Variants in SDHAF3 observed in about 807,000 individuals in gnomAD.
SDHAF3 encodes succinate dehydrogenase complex assembly factor 3.
In SDHAF3, 18 loss-of-function variants were observed where a neutral mutation model predicts 11.5. That is an observed-to-expected ratio of 1.56 (90% CI 1.08 to 2.32). The LOEUF is 2.32. Ranked by LOEUF, SDHAF3 falls within the 30% of genes most tolerant of loss-of-function variation. The probability of loss-of-function intolerance (pLI) is 0.00; values close to 1 mark genes in which losing one functional copy is unlikely to be tolerated. For synonymous variants in SDHAF3, 72 were observed against 59.3 expected (o/e 1.21, Z -0.99); for missense variants, 200 against 154.4 (o/e 1.30, Z -1.57).
intron 1 of SDHAF3, among the ~76,000 whole-genome samples, chr7:97,138,080 G>A (rs1038375997): frequency 6.6e-6 from 1 of 151,166 alleles, no homozygotes; most frequent in Non-Finnish European, 1.5e-5. Flanking sequence ...GGCTAGTCTC[G>A]AACTCCTGAC....
intron 1 of SDHAF3, among the ~76,000 whole-genome samples, chr7:97,167,868 AG>A (rs1255412994): frequency 6.6e-6 from 1 of 152,244 alleles, no homozygotes; most frequent in Non-Finnish European, 1.5e-5. Context: ...CTAGGTAGAT[AG>A]GGAAGGGTCC....
rs1227690625 is a variant in SDHAF3, at chr7:97,135,597, G to GTC, written c.174+17701_174+17702insCT. 3.5e-5 allele frequency: 5 copies of GTC among 143,584 alleles called. No homozygotes were observed. In the Admixed American group the frequency reaches 3.6e-4, roughly 10 times the overall value. 8.9% of individuals were successfully genotyped at this position (143,584 alleles called of 1,614,324 possible). On this transcript the variant is annotated intron_variant, in intron 1 of 1. Transcript: ENST00000432641. ...AGTCCCCATATGTGTGTGTGTGTGT[G>GTC]TGTGTCTGTGTGTGTGTGTGTGTGA... is the stretch of plus-strand genomic sequence containing the variant.
At chr7:97,142,329 A>G (rs1016440530) in intron 1 of SDHAF3, among the ~76,000 whole-genome samples, 11 of 152,084 alleles carry the variant, frequency 7.2e-5, no homozygotes, top group Admixed American at 2.0e-4. Context: ...CTAGGATTAC[A>G]GGCGTGAGCC....
chr7:97,136,856 ATCT>A (rs1433376630), intron 1 of SDHAF3, among the ~76,000 whole-genome samples: 1 of 152,210 alleles, frequency 6.6e-6, no homozygotes, highest in Non-Finnish European at 1.5e-5. Flanking sequence ...ATGATAATTC[ATCT>A]TCTTAGTTTG....
intron 1 of SDHAF3, among the ~76,000 whole-genome samples, chr7:97,138,112 G>A (rs1235462987): frequency 6.6e-6 from 1 of 150,950 alleles, no homozygotes. Flanking sequence ...CACCCGCCTT[G>A]GCCTCCCAAT....
At chr7:97,176,221 T>C (rs1449586775) in intron 1 of SDHAF3, among the ~76,000 whole-genome samples, 1 of 152,192 alleles carries the variant, frequency 6.6e-6, no homozygotes, top group Non-Finnish European at 1.5e-5. Context: ...CTGCACCTGC[T>C]CTCACCATAC....
At position 97,134,838 on chromosome 7, in the gene SDHAF3, C is replaced by T. The variant is rs1449984317; in HGVS notation, c.174+16941C>T. Among the ~76,000 whole-genome samples, 5 of 152,270 alleles carry T rather than the reference C, an allele frequency of 3.3e-5. No individual in the cohort carries two copies. In the East Asian group the frequency reaches 7.7e-4, roughly 23 times the overall value. ...ATAACACCCCTGACTGTTTAATGCA[C>T]ATACTTAAGATTTTCAGAACACTTT... On this transcript the variant is annotated intron_variant, in intron 1 of 1. Transcript: ENST00000432641.
chr7:97,125,186 G>A (rs1010024050), intron 1 of SDHAF3, among the ~76,000 whole-genome samples: 4 of 152,066 alleles, frequency 2.6e-5, no homozygotes, highest in African/African-American at 9.7e-5. Context: ...AAACGGCTCC[G>A]ATTCATGGAT....
chr7:97,166,216 C>T (rs890507941), intron 1 of SDHAF3, among the ~76,000 whole-genome samples: 10 of 152,182 alleles, frequency 6.6e-5, no homozygotes, highest in South Asian at 4.1e-4. Flanking sequence ...AGGACATGCT[C>T]GTGACACAGC....
At chr7:97,130,089 A>T (rs775549971) in intron 1 of SDHAF3, among the ~76,000 whole-genome samples, 17 of 152,024 alleles carry the variant, frequency 1.1e-4, no homozygotes, top group Non-Finnish European at 2.4e-4. Context: ...GCATTACAGC[A>T]TGTGAAATCT....
In SDHAF3 at chr7:97,180,734, A is replaced by G. The variant is rs567879606; in HGVS notation, c.175-278A>G. On this transcript the variant is annotated intron_variant, in intron 1 of 1. Transcript: ENST00000432641. ...GCATATGGTTTGAGGTGGTTTATGC[A>G]TGCTTCTGAAGCCCATCCAGGGACT... 5.0e-3 allele frequency among the ~76,000 whole-genome samples: 764 copies of G among 152,328 alleles called. 6 individuals are homozygous for G. The highest frequency in any genetic ancestry group is 0.017 in the African/African-American group (723 of 41,578).
chr7:97,121,464 C>T (rs1320828698), intron 1 of SDHAF3, among the ~76,000 whole-genome samples: 1 of 152,092 alleles, frequency 6.6e-6, no homozygotes, highest in Non-Finnish European at 1.5e-5. Context: ...TTCTTAAGTA[C>T]CTGTTCTGTG....
At chr7:97,140,628 ATC>A (rs1216698761) in intron 1 of SDHAF3, among the ~76,000 whole-genome samples, 3 of 152,192 alleles carry the variant, frequency 2.0e-5, no homozygotes, top group Non-Finnish European at 2.9e-5. Flanking sequence ...CTTTACTGCA[ATC>A]TCTGAACATA....
chr7:97,152,302 A>G (rs1476399815), intron 1 of SDHAF3, among the ~76,000 whole-genome samples: 1 of 152,214 alleles, frequency 6.6e-6, no homozygotes, highest in Non-Finnish European at 1.5e-5. Flanking sequence ...TACTCATATC[A>G]GCCTCCCTGA....
intron 1 of SDHAF3, among the ~76,000 whole-genome samples, chr7:97,176,140 T>C (rs1789675390): frequency 6.6e-6 from 1 of 152,158 alleles, no homozygotes; most frequent in Non-Finnish European, 1.5e-5. Flanking sequence ...GCAAAACCTA[T>C]AATATACATA....
At chr7:97,132,534 G>A (rs992097731) in intron 1 of SDHAF3, among the ~76,000 whole-genome samples, 5 of 152,092 alleles carry the variant, frequency 3.3e-5, no homozygotes, top group African/African-American at 1.2e-4. Context: ...ATAATCTTAT[G>A]TTTAATTTCT....
intron 1 of SDHAF3, among the ~76,000 whole-genome samples, chr7:97,161,098 G>A (rs1460788866): frequency 6.6e-6 from 1 of 152,264 alleles, no homozygotes; most frequent in Admixed American, 6.5e-5. Flanking sequence ...CTTTTGTGAT[G>A]CTGGGCAGTG....
intron 1 of SDHAF3, among the ~76,000 whole-genome samples, chr7:97,132,939 A>C (rs1310223465): frequency 6.6e-6 from 1 of 152,194 alleles, no homozygotes; most frequent in African/African-American, 2.4e-5. Flanking sequence ...CACATTACTT[A>C]AATTTGTATA....
At position 97,131,585 on chromosome 7, in the gene SDHAF3, CA is replaced by C. The variant is rs1479475358; in HGVS notation, c.174+13692del. On this transcript the variant is annotated intron_variant, in intron 1 of 1. Transcript: ENST00000432641. Reference sequence around the variant, plus strand: ...TTTTACCCCTGAATTAGGGATGGACCAAAAGTTCCTTTTTACCTCTTAAGAT... The same window carrying C: ...TTTTACCCCTGAATTAGGGATGGACCAAAGTTCCTTTTTACCTCTTAAGAT... 2.0e-5 allele frequency among the ~76,000 whole-genome samples: 3 copies of C among 152,230 alleles called. No individual in the cohort carries two copies. The East Asian group carries it at 5.8e-4, about 29-fold the overall frequency.
Sources: allele counts gnomAD v4.1 joint callset (sites outside exome capture counted in the v4.1 genomes callset), GRCh38; gene constraint gnomAD v4.1.1; transcripts MANE v1.5; gene names NCBI Gene and HGNC (gene_info 2026-07-23, HGNC 2026-07-21).